PGPEP1: variants seen among roughly 807,000 people sequenced by gnomAD.
The protein encoded by PGPEP1 is pyroglutamyl-peptidase I.
Under a neutral mutation model 24.1 loss-of-function variants are expected in PGPEP1, and 15 were observed. The ratio of observed to expected loss-of-function variants is 0.62; its 90% confidence interval spans 0.42 to 0.96. The LOEUF (loss-of-function observed/expected upper bound fraction) is 0.96. PGPEP1 is among the 40% of genes least tolerant of loss of function. The pLI, the probability that PGPEP1 is intolerant of heterozygous loss-of-function variation, is 0.00. For missense variants in PGPEP1, 242 were observed against 273.4 expected, an observed-to-expected ratio of 0.89 and a Z score of 0.81; for synonymous variants, 122 against 116.4, an observed-to-expected ratio of 1.05 and a Z score of -0.31.
chr19:18,353,985 A>T (rs1971110458), intron 2 of PGPEP1, among the ~76,000 whole-genome samples: 1 of 152,198 alleles, frequency 6.6e-6, no homozygotes, highest in African/African-American at 2.4e-5. Context: ...CTGTAATCCC[A>T]GCACTTTGGG....
rs531298531 is a variant in PGPEP1, at chr19:18,365,233, G to A, written c.*1650G>A. On this transcript the variant is annotated 3_prime_UTR_variant, in exon 5 of 5. Coordinates refer to ENST00000269919, the MANE Select transcript of PGPEP1 (RefSeq NM_017712.4). The stretch of plus-strand genomic sequence containing the variant: ...GTGAAAGTAATTGAGTGAAATGCAC[G>A]TTCTGGAAATCAGTTTCTATTTTGG... 6.6e-6 allele frequency: 1 copy of A among 152,282 alleles called. No homozygotes were observed. The highest frequency in any genetic ancestry group is 1.9e-4 in the East Asian group (1 of 5,188). 9.4% of individuals were successfully genotyped at this position (152,282 alleles called of 1,614,324 possible). A position where few individuals can be genotyped will look rare whatever the true frequency, so the allele number is the denominator to read the frequency against.
chr19:18,363,306 G>A (rs1306609480), intron 4 of PGPEP1, 85 bp from the exon 5 acceptor site: 1 of 1,073,250 alleles, frequency 9.3e-7, no homozygotes, highest in Non-Finnish European at 1.4e-6. Context: ...CCTTGGATTT[G>A]GATGGGTGCT....
chr19:18,352,277 A>AAAAAAAAAAAAAAAAAAAAAC (rs1971053813), intron 2 of PGPEP1, among the ~76,000 whole-genome samples: 1 of 149,512 alleles, frequency 6.7e-6, no homozygotes, highest in Non-Finnish European at 1.5e-5. Flanking sequence ...AAAAAAAAAA[A>AAAAAAAAAAAAAAAAAAAAAC]AAAAAAAAAA....
intron 2 of PGPEP1, among the ~76,000 whole-genome samples, chr19:18,347,751 A>G (rs945290625): frequency 6.6e-6 from 1 of 150,636 alleles, no homozygotes; most frequent in Non-Finnish European, 1.5e-5. Context: ...CTCCCGTCTC[A>G]GCCTCCCAAG....
intron 2 of PGPEP1, 63 bp downstream of exon 2, chr19:18,342,974 C>A: frequency 2.4e-6 from 3 of 1,258,598 alleles, no homozygotes; most frequent in Non-Finnish European, 2.3e-6. Flanking sequence ...AAAGTTATGG[C>A]ATCCAAGAAG....
chr19:18,347,898 C>G (rs1970899888), intron 2 of PGPEP1, among the ~76,000 whole-genome samples: 1 of 152,182 alleles, frequency 6.6e-6, no homozygotes, highest in Non-Finnish European at 1.5e-5. Flanking sequence ...TCCCAAAGTG[C>G]TGGGATTACA....
chr19:18,346,427 C>T (rs557027880), intron 2 of PGPEP1, among the ~76,000 whole-genome samples: 1 of 152,134 alleles, frequency 6.6e-6, no homozygotes, highest in African/African-American at 2.4e-5. Flanking sequence ...TGCTTCCTGC[C>T]GTGACCGATT....
rs202204691 is a variant in PGPEP1 at position 18,352,951 on chromosome 19, CTT to C, written c.88-2943_88-2942del. ...TTTTTCCTTGAGACAGAGTTCTACT[CTT>C]GTCACCCAGGCTGGAGTGCAGTGGC... On this transcript the variant is annotated intron_variant, in intron 2 of 4. Coordinates refer to ENST00000269919, the MANE Select transcript of PGPEP1 (RefSeq NM_017712.4). Among the ~76,000 whole-genome samples, 1,158 of 148,246 alleles carry C rather than the reference CTT, an allele frequency of 7.8e-3. 16 individuals are homozygous for C. Among genetic ancestry groups the C allele is most frequent in the African/African-American group, 0.026 (1,048 of 40,162 alleles).
chr19:18,343,464 C>T, intron 2 of PGPEP1, among the ~76,000 whole-genome samples: 1 of 152,050 alleles, frequency 6.6e-6, no homozygotes, highest in African/African-American at 2.4e-5. Context: ...GAAACTGAGG[C>T]CCAGAGGAGG....
intron 3 of PGPEP1, among the ~76,000 whole-genome samples, chr19:18,356,826 G>A (rs1971198062): frequency 6.6e-6 from 1 of 151,900 alleles, no homozygotes; most frequent in Non-Finnish European, 1.5e-5. Context: ...ATCACCGGAG[G>A]TCAGGAGTTT....
chr19:18,352,289 T>TAAAAAAAAAAAAAAAAA (rs1971055239), intron 2 of PGPEP1, among the ~76,000 whole-genome samples: 1 of 63,008 alleles, frequency 1.6e-5, no homozygotes, highest in African/African-American at 5.2e-5. Flanking sequence ...AAAAAAAAAT[T>TAAAAAAAAAAAAAAAAA]AGTTGGGTGT....
rs1317994961 is a variant in PGPEP1 at position 18,366,709 on chromosome 19, G to A, written c.*3126G>A. 6.6e-6 allele frequency: 1 copy of A among 152,108 alleles called. No individual in the cohort carries two copies. Among genetic ancestry groups the A allele is most frequent in the Non-Finnish European group, 1.5e-5 (1 of 68,036 alleles). The allele number at this position is 152,108 out of a possible 1,614,324, so 9.4% of individuals were successfully genotyped here. A position where few individuals can be genotyped will look rare whatever the true frequency, so the allele number is the denominator to read the frequency against. ...TGGTCTTGAAATCCTGACCTCAGGT[G>A]ATCTGCCTGCCTTGGCCTCCCAAAG... On this transcript the variant is annotated 3_prime_UTR_variant, in exon 5 of 5. Transcript: ENST00000269919.
At chr19:18,349,380 T>C (rs1024873720) in intron 2 of PGPEP1, among the ~76,000 whole-genome samples, 1 of 151,522 alleles carries the variant, frequency 6.6e-6, no homozygotes, top group African/African-American at 2.4e-5. Context: ...AGGCTGATCT[T>C]GAACTCCTGG....
intron 2 of PGPEP1, among the ~76,000 whole-genome samples, chr19:18,343,754 G>C (rs558220028): frequency 9.1e-4 from 134 of 146,610 alleles, no homozygotes; most frequent in Middle Eastern, 3.6e-3. Flanking sequence ...CGCGATCTTG[G>C]CTCACTGCAA....
intron 2 of PGPEP1, among the ~76,000 whole-genome samples, chr19:18,350,234 A>G (rs1187359775): frequency 6.6e-6 from 1 of 152,050 alleles, no homozygotes; most frequent in Admixed American, 6.6e-5. Flanking sequence ...CATGTTGGCC[A>G]GGCTGGTCTG....
chr19:18,344,533 C>A (rs1004774855), intron 2 of PGPEP1, among the ~76,000 whole-genome samples: 14 of 140,502 alleles, frequency 1.0e-4, no homozygotes, highest in African/African-American at 3.6e-4. Flanking sequence ...CTGTACCCCC[C>A]ATTTTTTAAT....
chr19:18,361,350 G>C (rs1403403505), intron 4 of PGPEP1, among the ~76,000 whole-genome samples: 1 of 152,036 alleles, frequency 6.6e-6, no homozygotes, highest in Non-Finnish European at 1.5e-5. Context: ...TGTTGGCCAG[G>C]CTGGTCTTGA....
Position 18,343,186 on chromosome 19 carries a change from G to A in PGPEP1, c.87+275G>A, listed in dbSNP as rs1970723586. Among the ~76,000 whole-genome samples, 7 of 152,014 alleles carry A rather than the reference G, an allele frequency of 4.6e-5. No homozygotes were observed. In the South Asian group the frequency reaches 1.0e-3, roughly 23 times the overall value. On this transcript the variant is annotated intron_variant, in intron 2 of 4. Transcript: ENST00000269919. ...GGCTAATTTTTGTATTTTTAGTAGA[G>A]TCGGGGTTTCACCATGTTGGCCAGG...
chr19:18,352,791 G>A (rs1293818860), intron 2 of PGPEP1, among the ~76,000 whole-genome samples: 1 of 152,040 alleles, frequency 6.6e-6, no homozygotes, highest in Non-Finnish European at 1.5e-5. Context: ...CCTGACCTCA[G>A]GTGATCCTCC....
Sources: gnomAD v4.1 joint callset for allele counts (sites outside exome capture counted in the v4.1 genomes callset) on GRCh38, gnomAD v4.1.1 for gene constraint, MANE v1.5 for transcripts, NCBI Gene and HGNC (gene_info 2026-07-23, HGNC 2026-07-21) for gene names.